MCF2L2: variants seen among roughly 807,000 people sequenced by gnomAD.
The protein encoded by MCF2L2 is probable guanine nucleotide exchange factor MCF2L2.
Under a neutral mutation model 150.2 loss-of-function variants are expected in MCF2L2, and 102 were observed. The ratio of observed to expected loss-of-function variants is 0.68; its 90% CI spans 0.58 to 0.80. The LOEUF (loss-of-function observed/expected upper bound fraction) is 0.80. Ranked by LOEUF, MCF2L2 falls within the 30% of genes least tolerant of loss-of-function variation. MCF2L2 has a pLI of 0.00. For synonymous variants in MCF2L2, 465 were observed against 491.3 expected (o/e 0.95, Z 0.71); for missense variants, 1,256 against 1,372.8 (o/e 0.91, Z 1.34).
chr3:183,237,876 G>A lies in MCF2L2; in HGVS notation c.1863-6859C>T, dbSNP rs373725424. On this transcript the variant is annotated intron_variant, in intron 15 of 29. Transcript: ENST00000328913. The stretch of plus-strand genomic sequence containing the variant: ...TCCCTCTACACACTGCTTTGAATGC[G>A]TCCCAGAGATTCTGGTATGTGGTGT... Among the ~76,000 whole-genome samples, 90 of 83,270 alleles carry A rather than the reference G, an allele frequency of 1.1e-3. 1 individual carries two copies. The highest frequency in any genetic ancestry group is 3.9e-3 in the African/African-American group (80 of 20,552). The allele number at this position is 83,270 out of a possible 152,430, so 54.6% of individuals were successfully genotyped here.
At chr3:183,349,726 T>A (rs1357396237) in intron 3 of MCF2L2, among the ~76,000 whole-genome samples, 3 of 152,222 alleles carry the variant, frequency 2.0e-5, no homozygotes, top group African/African-American at 7.2e-5. Flanking sequence ...TTGCCTGATA[T>A]CACACTAGCA....
At chr3:183,333,988 G>A (rs1730370997) in intron 5 of MCF2L2, among the ~76,000 whole-genome samples, 1 of 150,514 alleles carries the variant, frequency 6.6e-6, no homozygotes, top group East Asian at 1.9e-4. Flanking sequence ...AAAATGATAG[G>A]GACATGTCAC....
At chr3:183,184,453 T>C (rs1043403404) in intron 27 of MCF2L2, among the ~76,000 whole-genome samples, 1 of 152,222 alleles carries the variant, frequency 6.6e-6, no homozygotes, top group African/African-American at 2.4e-5. Flanking sequence ...ATGTATCAGA[T>C]AAGCATAAGG....
chr3:183,244,654 T>C (rs905338019), intron 15 of MCF2L2, among the ~76,000 whole-genome samples: 3 of 152,146 alleles, frequency 2.0e-5, no homozygotes, highest in Non-Finnish European at 4.4e-5. Context: ...TTTACAGATG[T>C]AAAAACAGAA....
At chr3:183,222,648 A>T (rs1022700579) in intron 20 of MCF2L2, among the ~76,000 whole-genome samples, 2 of 152,128 alleles carry the variant, frequency 1.3e-5, no homozygotes, top group African/African-American at 4.8e-5. Flanking sequence ...TTTATTAAGA[A>T]ATAGTGGCCA....
chr3:183,254,398 GAGA>G (rs1441281180), intron 15 of MCF2L2, among the ~76,000 whole-genome samples: 1 of 151,870 alleles, frequency 6.6e-6, no homozygotes, highest in Non-Finnish European at 1.5e-5. Context: ...AAGCGCGGCG[GAGA>G]AGGAGGCTCG....
chr3:183,370,951 AC>A (rs759926361), intron 3 of MCF2L2, among the ~76,000 whole-genome samples: 1 of 152,172 alleles, frequency 6.6e-6, no homozygotes, highest in Non-Finnish European at 1.5e-5. Flanking sequence ...ACATGACTGT[AC>A]ACTCTGGATT....
chr3:183,287,675 C>T (rs1256172276), intron 14 of MCF2L2: 1 of 152,178 alleles, frequency 6.6e-6, no homozygotes, highest in Non-Finnish European at 1.5e-5. Context: ...TGCAATTCCT[C>T]CAACCAGGAG....
chr3:183,331,932 G>A (rs1730287696), intron 5 of MCF2L2, among the ~76,000 whole-genome samples: 1 of 152,142 alleles, frequency 6.6e-6, no homozygotes, highest in South Asian at 2.1e-4. Context: ...AAAGGTAGAG[G>A]GAGGCTGTCA....
chr3:183,323,888 A>G (rs1729920011), intron 5 of MCF2L2, among the ~76,000 whole-genome samples: 1 of 151,978 alleles, frequency 6.6e-6, no homozygotes, highest in Admixed American at 6.6e-5. Flanking sequence ...AAAGCGTGGT[A>G]TAGCCTGTGA....
intron 27 of MCF2L2, among the ~76,000 whole-genome samples, chr3:183,188,462 A>G (rs1721770969): frequency 6.6e-6 from 1 of 152,190 alleles, no homozygotes; most frequent in Non-Finnish European, 1.5e-5. Context: ...GCACTTCACC[A>G]TAATACAGCC....
chr3:183,199,472 G>A (rs1480356041), intron 25 of MCF2L2, among the ~76,000 whole-genome samples: 1 of 152,136 alleles, frequency 6.6e-6, no homozygotes, highest in Non-Finnish European at 1.5e-5. Flanking sequence ...AAGATGATTT[G>A]TAATTGTTGA....
chr3:183,402,956 A>G (rs1714850140), intron 1 of MCF2L2, among the ~76,000 whole-genome samples: 1 of 152,002 alleles, frequency 6.6e-6, no homozygotes, highest in African/African-American at 2.4e-5. Context: ...ATGATTATTT[A>G]CTTATTCTTT....
chr3:183,383,651 C>T (rs534795786), intron 2 of MCF2L2, among the ~76,000 whole-genome samples: 1 of 152,140 alleles, frequency 6.6e-6, no homozygotes, highest in Admixed American at 6.5e-5. Flanking sequence ...GGGGCAAGCA[C>T]CTCTTTCATT....
intron 1 of MCF2L2, among the ~76,000 whole-genome samples, chr3:183,406,964 G>C (rs1178767516): frequency 6.6e-6 from 1 of 152,040 alleles, no homozygotes; most frequent in African/African-American, 2.4e-5. Context: ...TTCCTCCTAT[G>C]TTTTCTAACA....
intron 15 of MCF2L2, among the ~76,000 whole-genome samples, chr3:183,247,889 TC>T (rs1160687486): frequency 6.6e-6 from 1 of 152,012 alleles, no homozygotes; most frequent in African/African-American, 2.4e-5. Context: ...TGGAACCAAT[TC>T]CCCATGGATA....
chr3:183,309,720 C>CT lies in MCF2L2; in HGVS notation c.1108dup (p.Ser370LysfsTer41), dbSNP rs1560014132. On this transcript the variant is annotated frameshift_variant, in exon 10 of 30. Coordinates refer to ENST00000328913, the MANE Select transcript of MCF2L2 (RefSeq NM_015078.4). LOFTEE classifies it high-confidence loss of function. ...CAAAAATGTCAGAAAGCAAACCTGG[C>CT]TTTTTTCCTCCAGTTTTTTGTGTTC... is the stretch of plus-strand genomic sequence containing the variant. 1 of 1,613,974 alleles carries CT rather than the reference C, an allele frequency of 6.2e-7. No homozygotes were observed. Among genetic ancestry groups the CT allele is most frequent in the Admixed American group, 1.7e-5 (1 of 59,978 alleles).
chr3:183,367,238 T>C (rs562894902), intron 3 of MCF2L2, among the ~76,000 whole-genome samples: 17 of 151,906 alleles, frequency 1.1e-4, no homozygotes, highest in African/African-American at 4.1e-4. Flanking sequence ...TTTTTTTTTT[T>C]TTTTGAGATG....
chr3:183,352,749 A>C (rs1711553288), intron 3 of MCF2L2, among the ~76,000 whole-genome samples: 1 of 152,178 alleles, frequency 6.6e-6, no homozygotes, highest in African/African-American at 2.4e-5. Flanking sequence ...CTGGATCCTG[A>C]TTTCAACTAA....
Sources: allele counts gnomAD v4.1 joint callset (sites outside exome capture counted in the v4.1 genomes callset), GRCh38; gene constraint gnomAD v4.1.1; transcripts MANE v1.5; gene names NCBI Gene and HGNC (gene_info 2026-07-23, HGNC 2026-07-21).